Variants in OR6T1 observed in about 807,000 individuals in gnomAD.
OR6T1 encodes olfactory receptor family 6 subfamily T member 1.
For synonymous variants in OR6T1, 179 were observed against 159.1 expected (o/e 1.13, Z -0.94); for missense variants, 389 against 390.5 (o/e 1.00, Z 0.03).
rs575459328 is a variant in OR6T1, at chr11:123,943,453, G to T, written c.386C>A (p.Pro129Gln). The T allele has an allele frequency of 6.2e-7, 1 of 1,614,134 alleles. No homozygotes were observed. The stretch of plus-strand genomic sequence containing the variant: ...ATTCATCAGGGTCTCATAGCGGAGT[G>T]GTCGGCAGATTGCCAGGTAACGATC... ...SLDRYLAICR[P>Q]LRYETLMNGH... The change falls in exon 1 of 1, where the codon CCA (proline) becomes CAA (glutamine). Residue 129 changes from proline (P) to glutamine (Q), a missense_variant. Physicochemically the swap from Pro to Gln is moderately conservative, Grantham distance 76. Coordinates refer to ENST00000321252, the MANE Select transcript of OR6T1 (RefSeq NM_001005187.1).
Position 123,943,731 on chromosome 11 carries a change from A to C in OR6T1, c.108T>G (p.Ile36Met), listed in dbSNP as rs770958662. ...LVFLGLMVTY[I>M]VTATGKLLII... The stretch of plus-strand genomic sequence containing the variant: ...TTAGCAGCTTGCCTGTGGCTGTTAC[A>C]ATGTAGGTCACCATTAACCCCAGGA... The change falls in exon 1 of 1, where the codon ATT (isoleucine) becomes ATG (methionine). Residue 36 changes from isoleucine to methionine, a missense_variant. Transcript: ENST00000321252. 4.3e-6 allele frequency: 7 copies of C among 1,614,186 alleles called. No individual in the cohort carries two copies. Among genetic ancestry groups the C allele is most frequent in the Non-Finnish European group, 5.9e-6 (7 of 1,180,022 alleles).
At position 123,943,768 on chromosome 11, in the gene OR6T1, T is replaced by G. The variant is rs945206468; in HGVS notation, c.71A>C (p.Gln24Pro). ...CATTAACCCCAGGAACACCAGGAAC[T>G]GTATGAGGTGGCTACTGGGGAAACC... is the stretch of plus-strand genomic sequence containing the variant. ...LLGFPSSHLI[Q>P]FLVFLGLMVT... Residue 24 changes from glutamine to proline, a missense_variant, in exon 1 of 1, where the codon CAG (glutamine) becomes CCG (proline). Gln to Pro is a moderately conservative substitution (Grantham distance 76). Coordinates refer to ENST00000321252, the MANE Select transcript of OR6T1 (RefSeq NM_001005187.1). The G allele has an allele frequency of 5.0e-6, 8 of 1,614,058 alleles. No individual in the cohort carries two copies. The highest frequency in any genetic ancestry group is 6.8e-6 in the Non-Finnish European group (8 of 1,179,902).
At position 123,943,243 on chromosome 11, in the gene OR6T1, G is replaced by A. The variant is rs200599894; in HGVS notation, c.596C>T (p.Ala199Val). 9 of 1,614,186 alleles carry A rather than the reference G, an allele frequency of 5.6e-6. No homozygotes were observed. Among genetic ancestry groups the A allele is most frequent in the Admixed American group, 1.7e-5 (1 of 60,020 alleles). ...CGDTHLLKLV[A>V]FMLSTLVLLG... ...TAACACCAACGTAGAGAGCATGAAA[G>A]CCACCAGTTTCAGCAGGTGGGTGTC... Residue 199 changes from alanine (A) to valine (V), a missense_variant, in exon 1 of 1, where the codon GCT becomes GTT. Coordinates refer to ENST00000321252, the MANE Select transcript of OR6T1 (RefSeq NM_001005187.1).
Position 123,943,571 on chromosome 11 carries a change from G to A in OR6T1, c.268C>T (p.His90Tyr), listed in dbSNP as rs1318997612. Residue 90 changes from histidine to tyrosine, a missense_variant, in exon 1 of 1, where the codon CAC becomes TAC. Coordinates refer to ENST00000321252, the MANE Select transcript of OR6T1 (RefSeq NM_001005187.1). ...ATGCAGCTGACAAATGAGATGGTGT[G>A]ATCCCCCGTGAGGATGACGACAAGC... is the stretch of plus-strand genomic sequence containing the variant. ...KMLVVILTGD[H>Y]TISFVSCIIQ... 4.3e-6 allele frequency: 7 copies of A among 1,614,210 alleles called. No individual in the cohort carries two copies. The highest frequency in any genetic ancestry group is 5.1e-6 in the Non-Finnish European group (6 of 1,180,032).
Position 123,943,536 on chromosome 11 carries a change from G to A in OR6T1, c.303C>T (p.Ser101=). The A allele has an allele frequency of 6.2e-7, 1 of 1,614,160 alleles. No homozygotes were observed. The highest frequency in any genetic ancestry group is 8.5e-7 in the Non-Finnish European group (1 of 1,180,032). Residue 101 remains serine, a synonymous_variant, in exon 1 of 1, where the codon TCC becomes TCT. Coordinates refer to ENST00000321252, the MANE Select transcript of OR6T1 (RefSeq NM_001005187.1). ...TISFVSCIIQ[S]YLYFFLGTTD... ...TGGTGCCTAGAAAGAAGTAGAGGTA[G>A]GACTGGATGATGCAGCTGACAAATG...
In OR6T1 at chr11:123,942,892, A is replaced by G; in HGVS notation, c.947T>C (p.Leu316Pro). The G allele has an allele frequency of 6.2e-7, 1 of 1,613,870 alleles. No individual in the cohort carries two copies. Among genetic ancestry groups the G allele is most frequent in the Non-Finnish European group, 8.5e-7 (1 of 1,179,918 alleles). ...GWPRLTAVMK[L>P]RVTSQRK ...TCATTTCCTTTGACTTGTGACCCTC[A>G]GTTTCATCACAGCAGTGAGCCTGGG... is the stretch of plus-strand genomic sequence containing the variant. Residue 316 changes from leucine (L) to proline (P), a missense_variant, in exon 1 of 1, where the codon CTG becomes CCG. Physicochemically the swap from Leu to Pro is moderately conservative, Grantham distance 98. Transcript: ENST00000321252.
At position 123,943,372 on chromosome 11, in the gene OR6T1, A is replaced by T; in HGVS notation, c.467T>A (p.Val156Asp). ...LASWLAGFLW[V>D]LCPTVLMASL... ...GGCCATGAGGACAGTGGGGCAAAGG[A>T]CCCAGAGGAATCCAGCTAGCCAGGA... Residue 156 changes from valine (V) to aspartate (D), a missense_variant, in exon 1 of 1, where the codon GTC (valine) becomes GAC (aspartate). Transcript: ENST00000321252. The T allele has an allele frequency of 6.2e-7, 1 of 1,614,156 alleles. No homozygotes were observed. The highest frequency in any genetic ancestry group is 8.5e-7 in the Non-Finnish European group (1 of 1,180,030).
rs373742758 is a variant in OR6T1, at chr11:123,942,941, C to T, written c.898G>A (p.Ala300Thr). 5.6e-6 allele frequency: 9 copies of T among 1,614,178 alleles called. No homozygotes were observed. In the East Asian group the frequency reaches 2.0e-4, roughly 36 times the overall value. ...GGCCACCCCAAGGCTTCTCTCAGTG[C>T]TTGCTGCACCTTGTCATTGCGGAGA... is the stretch of plus-strand genomic sequence containing the variant. ...FTLRNDKVQQ[A>T]LREALGWPRL... is the part of the protein sequence containing the mutation. Residue 300 changes from alanine to threonine, a missense_variant, in exon 1 of 1, where the codon GCA becomes ACA. Transcript: ENST00000321252.
Position 123,943,798 on chromosome 11 carries a change from A to C in OR6T1, c.41T>G (p.Leu14Arg). 6.2e-7 allele frequency: 1 copy of C among 1,613,994 alleles called. No individual in the cohort carries two copies. The highest frequency in any genetic ancestry group is 1.1e-5 in the South Asian group (1 of 91,036). ...ENWTQVTSFVLLGFPSSHLIQ... is the reference protein window; with the variant it reads ...ENWTQVTSFVRLGFPSSHLIQ... Reference sequence around the variant, plus strand: ...GAGGTGGCTACTGGGGAAACCCAGAAGGACAAAGCTTGTTACCTGAGTCCA... The same window carrying C: ...GAGGTGGCTACTGGGGAAACCCAGACGGACAAAGCTTGTTACCTGAGTCCA... Residue 14 changes from leucine (L) to arginine (R), a missense_variant, in exon 1 of 1, where the codon CTT (leucine) becomes CGT (arginine). By Grantham distance (102) the Leu-to-Arg change is moderately radical. Transcript: ENST00000321252.
In OR6T1 at chr11:123,943,639, G is replaced by A; in HGVS notation, c.200C>T (p.Ser67Phe). The A allele has an allele frequency of 6.2e-7, 1 of 1,614,212 alleles. No homozygotes were observed. The highest frequency in any genetic ancestry group is 8.5e-7 in the Non-Finnish European group (1 of 1,180,018). The change falls in exon 1 of 1, where the codon TCC becomes TTC. Residue 67 changes from serine to phenylalanine, a missense_variant. Ser to Phe is a radical substitution (Grantham distance 155, BLOSUM62 -2). Coordinates refer to ENST00000321252, the MANE Select transcript of OR6T1 (RefSeq NM_001005187.1). The part of the protein sequence containing the change: ...IQMYFFLRNF[S>F]FLELLLVTVV... ...AGTTACCAGCAACAGCTCCAGGAAG[G>A]AGAAATTCCGCAGGAAGAAGTACAT...
rs746626222 is a variant in OR6T1, at chr11:123,942,962, G to A, written c.877C>T (p.Arg293Cys). Reference protein sequence around the residue: ...PLLNPFIFTLRNDKVQQALRE... With the variant: ...PLLNPFIFTLCNDKVQQALRE... ...AGTGCTTGCTGCACCTTGTCATTGC[G>A]GAGAGTGAAGATGAATGGGTTCAAG... The change falls in exon 1 of 1, where the codon CGC becomes TGC. Residue 293 changes from arginine (R) to cysteine (C), a missense_variant. Transcript: ENST00000321252. 3.2e-5 allele frequency: 52 copies of A among 1,613,994 alleles called. No homozygotes were observed. Among genetic ancestry groups the A allele is most frequent in the Middle Eastern group, 3.3e-4 (2 of 6,084 alleles).
Position 123,943,825 on chromosome 11 carries a change from T to C in OR6T1, c.14A>G (p.Asn5Ser). MNPE[N>S]WTQVTSFVLL... ...GACAAAGCTTGTTACCTGAGTCCAG[T>C]TTTCAGGGTTCATCTTCAGTCACCT... The change falls in exon 1 of 1, where the codon AAC becomes AGC. Residue 5 changes from asparagine to serine, a missense_variant. Transcript: ENST00000321252. 1 of 1,612,154 alleles carries C rather than the reference T, an allele frequency of 6.2e-7. No homozygotes were observed. Among genetic ancestry groups the C allele is most frequent in the Non-Finnish European group, 8.5e-7 (1 of 1,179,096 alleles).
Position 123,943,538 on chromosome 11 carries a change from A to G in OR6T1, c.301T>C (p.Ser101Pro), listed in dbSNP as rs2137515558. The G allele has an allele frequency of 4.3e-6, 7 of 1,614,132 alleles. No homozygotes were observed. The East Asian group carries it at 1.6e-4, about 36-fold the overall frequency. Reference sequence around the variant, plus strand: ...GTGCCTAGAAAGAAGTAGAGGTAGGACTGGATGATGCAGCTGACAAATGAG... The same window carrying G: ...GTGCCTAGAAAGAAGTAGAGGTAGGGCTGGATGATGCAGCTGACAAATGAG... ...TISFVSCIIQ[S>P]YLYFFLGTTD... The change falls in exon 1 of 1, where the codon TCC becomes CCC. Residue 101 changes from serine (S) to proline (P), a missense_variant. Ser to Pro is a moderately conservative substitution (Grantham distance 74, BLOSUM62 -1). Coordinates refer to ENST00000321252, the MANE Select transcript of OR6T1 (RefSeq NM_001005187.1).
Position 123,943,506 on chromosome 11 carries a change from G to C in OR6T1, c.333C>G (p.Asp111Glu). ...SYLYFFLGTT[D>E]FFLLAVMSLD... ...GAGACATGACGGCCAAGAGGAAGAA[G>C]TCAGTGGTGCCTAGAAAGAAGTAGA... Residue 111 changes from aspartate to glutamate, a missense_variant, in exon 1 of 1, where the codon GAC becomes GAG. Transcript: ENST00000321252. 6.8e-6 allele frequency: 11 copies of C among 1,614,188 alleles called. No homozygotes were observed. The highest frequency in any genetic ancestry group is 9.3e-6 in the Non-Finnish European group (11 of 1,180,040).
rs764477273 is a variant in OR6T1, at chr11:123,943,825, T to A, written c.14A>T (p.Asn5Ile). 12 of 1,612,036 alleles carry A rather than the reference T, an allele frequency of 7.4e-6. No homozygotes were observed. The highest frequency in any genetic ancestry group is 1.0e-5 in the Non-Finnish European group (12 of 1,179,104). The change falls in exon 1 of 1, where the codon AAC becomes ATC. Residue 5 changes from asparagine to isoleucine, a missense_variant. Coordinates refer to ENST00000321252, the MANE Select transcript of OR6T1 (RefSeq NM_001005187.1). ...GACAAAGCTTGTTACCTGAGTCCAG[T>A]TTTCAGGGTTCATCTTCAGTCACCT... is the stretch of plus-strand genomic sequence containing the variant. MNPENWTQVTSFVLL... is the reference protein window; with the variant it reads MNPEIWTQVTSFVLL...
Position 123,943,358 on chromosome 11 carries a change from C to G in OR6T1, c.481G>C (p.Val161Leu). The part of the protein sequence containing the change: ...AGFLWVLCPT[V>L]LMASLPFCGP... ...CAGAAAGGCAGGCTGGCCATGAGGA[C>G]AGTGGGGCAAAGGACCCAGAGGAAT... Residue 161 changes from valine to leucine, a missense_variant, in exon 1 of 1, where the codon GTC becomes CTC. Transcript: ENST00000321252. 1.9e-6 allele frequency: 3 copies of G among 1,614,116 alleles called. No homozygotes were observed. The highest frequency in any genetic ancestry group is 2.5e-6 in the Non-Finnish European group (3 of 1,180,016).
In OR6T1 at chr11:123,943,100, C is replaced by T. The variant is rs536591497; in HGVS notation, c.739G>A (p.Val247Met). 4.3e-6 allele frequency: 7 copies of T among 1,614,220 alleles called. No individual in the cohort carries two copies. The South Asian group carries it at 7.7e-5, about 18-fold the overall frequency. ...AFSTCASHLT[V>M]VVIIYGSSIF... The stretch of plus-strand genomic sequence containing the variant: ...GAACTGCCATAGATGATGACCACCA[C>T]TGTAAGATGCGAGGCGCAAGTGGAA... Residue 247 changes from valine (V) to methionine (M), a missense_variant, in exon 1 of 1, where the codon GTG becomes ATG. Transcript: ENST00000321252.
At position 123,943,363 on chromosome 11, in the gene OR6T1, G is replaced by A; in HGVS notation, c.476C>T (p.Pro159Leu). The A allele has an allele frequency of 6.2e-7, 1 of 1,614,164 alleles. No homozygotes were observed. Among genetic ancestry groups the A allele is most frequent in the South Asian group, 1.1e-5 (1 of 91,086 alleles). ...WLAGFLWVLC[P>L]TVLMASLPFC... ...AGGCAGGCTGGCCATGAGGACAGTGGGGCAAAGGACCCAGAGGAATCCAGC... is the reference window on the plus strand; with the variant it reads ...AGGCAGGCTGGCCATGAGGACAGTGAGGCAAAGGACCCAGAGGAATCCAGC... The change falls in exon 1 of 1, where the codon CCC becomes CTC. Residue 159 changes from proline (P) to leucine (L), a missense_variant. Pro to Leu is a moderately conservative substitution (Grantham distance 98). Transcript: ENST00000321252.
chr11:123,942,923 C>T lies in OR6T1; in HGVS notation c.916G>A (p.Gly306Arg), dbSNP rs541553548. Residue 306 changes from glycine (G) to arginine (R), a missense_variant, in exon 1 of 1, where the codon GGG (glycine) becomes AGG (arginine). Physicochemically the swap from Gly to Arg is moderately radical, Grantham distance 125. Coordinates refer to ENST00000321252, the MANE Select transcript of OR6T1 (RefSeq NM_001005187.1). ...ATCACAGCAGTGAGCCTGGGCCACC[C>T]CAAGGCTTCTCTCAGTGCTTGCTGC... ...KVQQALREAL[G>R]WPRLTAVMKL... 11 of 1,613,962 alleles carry T rather than the reference C, an allele frequency of 6.8e-6. No homozygotes were observed. The highest frequency in any genetic ancestry group is 8.5e-6 in the Non-Finnish European group (10 of 1,180,012).
Sources: allele counts gnomAD v4.1 joint callset, GRCh38; gene constraint gnomAD v4.1.1; transcripts MANE v1.5; gene names NCBI Gene and HGNC (gene_info 2026-07-23, HGNC 2026-07-21).